The following KLF17 variants were observed in gnomAD, a reference collection of about 807,000 sequenced individuals.
KLF17 encodes Krueppel-like factor 17.
A neutral mutation model predicts 34.2 loss-of-function variants in KLF17; 31 were observed. The observed-to-expected ratio is 0.91, with a 90% CI of 0.68 to 1.22. The LOEUF is 1.22. Among genes scored for constraint, KLF17 ranks in the 50% most tolerant of loss-of-function variants. KLF17 has a pLI of 0.00. For synonymous variants in KLF17, 179 were observed against 186.7 expected, an observed-to-expected ratio of 0.96 and a Z score of 0.34; for missense variants, 478 against 505.2, an observed-to-expected ratio of 0.95 and a Z score of 0.52.
At chr1:44,104,476 T>A in the KLF17 span, 1 of 783,156 alleles carries the variant, frequency 1.3e-6, no homozygotes, top group East Asian at 2.5e-5. Flanking sequence ...GCAAACTTGT[T>A]GGTGGGGTTC....
the KLF17 span, among the ~76,000 whole-genome samples, chr1:44,067,012 C>T: frequency 1.3e-5 from 2 of 152,080 alleles, no homozygotes; most frequent in African/African-American, 4.8e-5. Context: ...GGTTACCTCT[C>T]GGAGGAGGTA....
intron 1 of KLF17, chr1:44,122,184 C>T (rs553277467): frequency 3.3e-5 from 52 of 1,594,596 alleles, no homozygotes; most frequent in Non-Finnish European, 4.1e-5. Context: ...TCCTCTGCCA[C>T]GGCCACGTCC....
the KLF17 span, among the ~76,000 whole-genome samples, chr1:44,107,550 A>T: frequency 6.6e-6 from 1 of 152,214 alleles, no homozygotes; most frequent in Non-Finnish European, 1.5e-5. Flanking sequence ...TGTTCTGAGT[A>T]GCATGGTAAG....
the KLF17 span, among the ~76,000 whole-genome samples, chr1:44,058,040 C>T: frequency 3.3e-5 from 5 of 152,184 alleles, no homozygotes; most frequent in African/African-American, 4.8e-5. Context: ...AGTGCCAATT[C>T]CTACTTAAAG....
At position 44,129,464 on chromosome 1, in the gene KLF17, G is replaced by A. The variant is rs761384044; in HGVS notation, c.193G>A (p.Ala65Thr). 1.3e-5 allele frequency: 21 copies of A among 1,609,890 alleles called. 1 individual carries two copies. The highest frequency in any genetic ancestry group is 4.4e-5 in the South Asian group (4 of 90,448). The change falls in exon 2 of 4, where the codon GCA (alanine) becomes ACA (threonine). Residue 65 changes from alanine (A) to threonine (T), a missense_variant. Transcript: ENST00000372299. The part of the protein sequence containing the change: ...LPSIQHFPHS[A>T]EMLGSPLVSV... ...AAGCATTCAGCACTTTCCTCACAGC[G>A]CAGAGATGCTGGGGTCCCCTTTGGT...
the KLF17 span, among the ~76,000 whole-genome samples, chr1:44,102,982 CT>C: frequency 6.6e-6 from 1 of 152,098 alleles, no homozygotes; most frequent in Admixed American, 6.5e-5. Flanking sequence ...GCTCACTTCC[CT>C]AGAGGATTTG....
At chr1:44,049,762 C>A in the KLF17 span, among the ~76,000 whole-genome samples, 8 of 152,224 alleles carry the variant, frequency 5.3e-5, no homozygotes, top group Non-Finnish European at 4.4e-5. Flanking sequence ...GAATTACCAG[C>A]GTGAGCCGCC....
the KLF17 span, among the ~76,000 whole-genome samples, chr1:44,070,669 C>G: frequency 6.4e-3 from 875 of 137,012 alleles, 7 homozygotes; most frequent in African/African-American, 0.019. Context: ...CATGATCACA[C>G]TGTAGCTTTG....
chr1:44,065,929 A>G, the KLF17 span, among the ~76,000 whole-genome samples: 3 of 152,246 alleles, frequency 2.0e-5, no homozygotes, highest in Admixed American at 2.0e-4. Flanking sequence ...AATGGGCAAT[A>G]AATGGATGGA....
At chr1:44,094,558 T>C in the KLF17 span, among the ~76,000 whole-genome samples, 1 of 152,224 alleles carries the variant, frequency 6.6e-6, no homozygotes, top group African/African-American at 2.4e-5. Context: ...ATTCTGACTA[T>C]GGCTATCCAT....
At chr1:44,102,198 G>A in the KLF17 span, among the ~76,000 whole-genome samples, 3 of 151,992 alleles carry the variant, frequency 2.0e-5, no homozygotes, top group African/African-American at 7.3e-5. Flanking sequence ...AAGATTCTCA[G>A]AGTAGATCAA....
At chr1:44,052,562 C>T in the KLF17 span, among the ~76,000 whole-genome samples, 3 of 152,244 alleles carry the variant, frequency 2.0e-5, no homozygotes, top group Non-Finnish European at 4.4e-5. Context: ...CCCTCACTCT[C>T]TGTGGAATTT....
At chr1:44,090,256 C>T in the KLF17 span, among the ~76,000 whole-genome samples, 158 of 114,416 alleles carry the variant, frequency 1.4e-3, 2 homozygotes, top group East Asian at 0.026. Flanking sequence ...AGGAGGATCT[C>T]TTGAGGAGTT....
chr1:44,127,781 CTCTTT>C (rs1299761922), intron 1 of KLF17, among the ~76,000 whole-genome samples: 1 of 127,504 alleles, frequency 7.8e-6, no homozygotes, highest in Non-Finnish European at 1.7e-5. Context: ...TTTCTTTCTT[CTCTTT>C]TCTTTCTTTT....
the KLF17 span, chr1:44,103,240 C>A: frequency 7.6e-6 from 5 of 662,228 alleles, no homozygotes; most frequent in Admixed American, 4.4e-5. Flanking sequence ...CCCTGCACAG[C>A]GGCCTCCCTC....
In KLF17 at chr1:44,129,851, C is replaced by T; in HGVS notation, c.580C>T (p.Pro194Ser). The T allele has an allele frequency of 6.2e-7, 1 of 1,614,212 alleles. No homozygotes were observed. Among genetic ancestry groups the T allele is most frequent in the East Asian group, 2.2e-5 (1 of 44,874 alleles). The part of the protein sequence containing the change: ...TVPSDETLLG[P>S]TVPSTEAQAV... ...ACCTTCTGACGAAACATTGTTGGGC[C>T]CGACTGTGCCTTCCACTGAGGCCCA... Residue 194 changes from proline (P) to serine (S), a missense_variant, in exon 2 of 4, where the codon CCG becomes TCG. Transcript: ENST00000372299.
chr1:44,131,037 C>T (rs549580514), intron 3 of KLF17, among the ~76,000 whole-genome samples: 7 of 152,236 alleles, frequency 4.6e-5, no homozygotes, highest in South Asian at 2.1e-4. Flanking sequence ...CCTCATGATC[C>T]GCCCACGCTG....
chr1:44,044,687 T>C, the KLF17 span: 1 of 152,282 alleles, frequency 6.6e-6, no homozygotes, highest in Non-Finnish European at 1.5e-5. Flanking sequence ...GCCAACTACC[T>C]AGGGTGAAAT....
chr1:44,119,040 G>T, intron 1 of KLF17, 52 bp downstream of exon 1: 1 of 1,432,444 alleles, frequency 7.0e-7, no homozygotes, highest in Non-Finnish European at 9.6e-7. Flanking sequence ...GCTAGGGGGC[G>T]GCGGGGAGGG....
Sources: gnomAD v4.1 joint callset for allele counts (sites outside exome capture counted in the v4.1 genomes callset) on GRCh38, gnomAD v4.1.1 for gene constraint, MANE v1.5 for transcripts, NCBI Gene and HGNC (gene_info 2026-07-23, HGNC 2026-07-21) for gene names.